Variants in SPTY2D1 observed in about 807,000 individuals in gnomAD.
The protein encoded by SPTY2D1 is protein SPT2 homolog.
SPTY2D1 carries 21 observed loss-of-function variants against 64.0 expected under a neutral mutation model. The observed-to-expected ratio is 0.33, with a 90% confidence interval of 0.23 to 0.47. The LOEUF is 0.47. Among genes scored for constraint, SPTY2D1 ranks in the 20% least tolerant of loss-of-function variants. The pLI is 1.00. For synonymous variants in SPTY2D1, 287 were observed against 286.8 expected, an observed-to-expected ratio of 1.00 and a Z score of -0.01; for missense variants, 724 against 837.2, an observed-to-expected ratio of 0.86 and a Z score of 1.67.
chr11:18,614,917 C>G lies in SPTY2D1; in HGVS notation c.1357G>C (p.Val453Leu), dbSNP rs1438155963. 1 of 1,613,592 alleles carries G rather than the reference C, an allele frequency of 6.2e-7. No individual in the cohort carries two copies. Among genetic ancestry groups the G allele is most frequent in the East Asian group, 2.2e-5 (1 of 44,878 alleles). ...CTGCCCAAGGGTCTTGCAGAACTAACTGAACCACTGATGGGTCGCCCAGGG... is the reference window on the plus strand; with the variant it reads ...CTGCCCAAGGGTCTTGCAGAACTAAGTGAACCACTGATGGGTCGCCCAGGG... ...GGPGRPISGSVSSARPLGSSR... is the reference protein window; with the variant it reads ...GGPGRPISGSLSSARPLGSSR... The change falls in exon 3 of 6, where the codon GTT (valine) becomes CTT (leucine). Residue 453 changes from valine (V) to leucine (L), a missense_variant. Coordinates refer to ENST00000336349, the MANE Select transcript of SPTY2D1 (RefSeq NM_194285.3).
At chr11:18,628,862 C>T (rs1395319498) in intron 1 of SPTY2D1, among the ~76,000 whole-genome samples, 3 of 152,154 alleles carry the variant, frequency 2.0e-5, no homozygotes, top group Non-Finnish European at 2.9e-5. Context: ...CTATGCAAAT[C>T]GTGGGCTTTT....
Position 18,615,177 on chromosome 11 carries a change from G to A in SPTY2D1, c.1097C>T (p.Pro366Leu). The change falls in exon 3 of 6, where the codon CCA (proline) becomes CTA (leucine). Residue 366 changes from proline to leucine, a missense_variant. Physicochemically the swap from Pro to Leu is moderately conservative, Grantham distance 98. Around this residue, in one of 3 missense-constraint regions of SPTY2D1, gnomAD observed 426 missense variants for 431.8 expected, o/e 0.99. Coordinates refer to ENST00000336349, the MANE Select transcript of SPTY2D1 (RefSeq NM_194285.3). ...MVTPHNKAKS[P>L]GVRQPGSSSS... The stretch of plus-strand genomic sequence containing the variant: ...GCTGCTGCCTGGCTGCCTGACACCT[G>A]GACTCTTAGCCTTATTGTGTGGGGT... 6.2e-7 allele frequency: 1 copy of A among 1,614,202 alleles called. No individual in the cohort carries two copies. Among genetic ancestry groups the A allele is most frequent in the Non-Finnish European group, 8.5e-7 (1 of 1,180,036 alleles).
At position 18,615,722 on chromosome 11, in the gene SPTY2D1, C is replaced by T. The variant is rs990636547; in HGVS notation, c.552G>A (p.Val184=). 4 of 1,613,784 alleles carry T rather than the reference C, an allele frequency of 2.5e-6. No individual in the cohort carries two copies. In the African/African-American group the frequency reaches 4.0e-5, roughly 16 times the overall value. ...RLAEKKQFEP[V]EIKVVKKSEE... ...CTGATTTCTTCACTACCTTGATTTCCACTGGTTCAAACTGCTTTTTCTCAG... is the reference window on the plus strand; with the variant it reads ...CTGATTTCTTCACTACCTTGATTTCTACTGGTTCAAACTGCTTTTTCTCAG... The change falls in exon 3 of 6, where the codon GTG becomes GTA. Residue 184 remains valine (V), a synonymous_variant. Coordinates refer to ENST00000336349, the MANE Select transcript of SPTY2D1 (RefSeq NM_194285.3).
chr11:18,619,944 A>G (rs1391054991), intron 1 of SPTY2D1, among the ~76,000 whole-genome samples: 1 of 152,178 alleles, frequency 6.6e-6, no homozygotes, highest in African/African-American at 2.4e-5. Flanking sequence ...ACTATCTAAC[A>G]TGATTTTGGG....
intron 1 of SPTY2D1, among the ~76,000 whole-genome samples, chr11:18,625,110 A>G (rs1590405044): frequency 6.6e-6 from 1 of 152,256 alleles, no homozygotes; most frequent in East Asian, 1.9e-4. Context: ...TAAGAGATTT[A>G]TAACTGGTTA....
rs774646962 is a variant in SPTY2D1, at chr11:18,615,502, G to C, written c.772C>G (p.Leu258Val). ...DRHPSSKGMP[L>V]PHAEKKSRPS... ...CTTGATTTCTTCTCAGCATGAGGAA[G>C]GGGCATTCCTTTGGAAGAAGGATGC... Residue 258 changes from leucine (L) to valine (V), a missense_variant, in exon 3 of 6, where the codon CTT (leucine) becomes GTT (valine). Around this residue, in one of 3 missense-constraint regions of SPTY2D1, gnomAD observed 426 missense variants for 431.8 expected, o/e 0.99. Coordinates refer to ENST00000336349, the MANE Select transcript of SPTY2D1 (RefSeq NM_194285.3). The C allele has an allele frequency of 6.2e-7, 1 of 1,614,076 alleles. No individual in the cohort carries two copies. The highest frequency in any genetic ancestry group is 1.3e-5 in the African/African-American group (1 of 74,920).
intron 1 of SPTY2D1, among the ~76,000 whole-genome samples, chr11:18,622,798 A>T (rs1435097120): frequency 3.3e-5 from 5 of 151,948 alleles, no homozygotes; most frequent in Non-Finnish European, 7.4e-5. Flanking sequence ...TAAAAATACA[A>T]AAAATCAGCT....
At chr11:18,622,103 A>AAAAAAAAAAAAAAT (rs1565161248) in intron 1 of SPTY2D1, among the ~76,000 whole-genome samples, 1 of 147,958 alleles carries the variant, frequency 6.8e-6, no homozygotes, top group African/African-American at 2.5e-5. Context: ...AAAAAAAAAA[A>AAAAAAAAAAAAAAT]ACCAAAACCA....
At chr11:18,617,398 G>A (rs1053191668) in intron 1 of SPTY2D1, among the ~76,000 whole-genome samples, 7 of 150,734 alleles carry the variant, frequency 4.6e-5, no homozygotes, top group East Asian at 3.9e-4. Flanking sequence ...AGGCGGAGGC[G>A]GGCGAATCAT....
intron 1 of SPTY2D1, among the ~76,000 whole-genome samples, chr11:18,626,268 C>T (rs1854496159): frequency 6.6e-6 from 1 of 152,194 alleles, no homozygotes; most frequent in Non-Finnish European, 1.5e-5. Context: ...CCCTCACCTT[C>T]AGACTCTACT....
At chr11:18,625,756 T>TGG (rs61312206) in intron 1 of SPTY2D1, among the ~76,000 whole-genome samples, 1 of 147,022 alleles carries the variant, frequency 6.8e-6, no homozygotes, top group Non-Finnish European at 1.5e-5. Context: ...TTGTAGAGAT[T>TGG]GGGGGGGGGG....
Position 18,611,570 on chromosome 11 carries a change from CA to C in SPTY2D1, c.1887-17del. The C allele has an allele frequency of 1.2e-6, 2 of 1,605,774 alleles. No homozygotes were observed. The highest frequency in any genetic ancestry group is 8.5e-7 in the Non-Finnish European group (1 of 1,175,348). On this transcript the variant is annotated splice_polypyrimidine_tract_variant and intron_variant, in intron 4 of 5. Transcript: ENST00000336349. The stretch of plus-strand genomic sequence containing the variant: ...ATCTTTGTATCTGATAAAAGGAAAT[CA>C]AAATGATAAAAAGAGAAAACTTCAA...
rs1854208999 is a variant in SPTY2D1, at chr11:18,611,699, G to A, written c.1887-145C>T. ...TATTCCTTGCTTGGCAGCGAGTGAG[G>A]GGAGTGGAGGATGGATAGGTTTCTG... On this transcript the variant is annotated intron_variant, in intron 4 of 5. Transcript: ENST00000336349. 7.0e-6 allele frequency: 5 copies of A among 711,980 alleles called. No individual in the cohort carries two copies. In the Admixed American group the frequency reaches 1.4e-4, roughly 19 times the overall value. The allele number at this position is 711,980 out of a possible 1,614,324, so 44.1% of individuals were successfully genotyped here. A position where few individuals can be genotyped will look rare whatever the true frequency, so the allele number is the denominator to read the frequency against.
intron 1 of SPTY2D1, among the ~76,000 whole-genome samples, chr11:18,628,646 T>A (rs1206268789): frequency 1.3e-5 from 2 of 152,244 alleles, no homozygotes; most frequent in Admixed American, 6.5e-5. Context: ...TTGTGGAGTC[T>A]GCGTCTTCCC....
At chr11:18,616,354 C>T (rs1264241835) in intron 2 of SPTY2D1, among the ~76,000 whole-genome samples, 1 of 152,070 alleles carries the variant, frequency 6.6e-6, no homozygotes, top group Non-Finnish European at 1.5e-5. Flanking sequence ...AATACATTAC[C>T]AAGTTAAGAG....
At chr11:18,623,817 T>C (rs576665742) in intron 1 of SPTY2D1, among the ~76,000 whole-genome samples, 1 of 152,370 alleles carries the variant, frequency 6.6e-6, no homozygotes, top group African/African-American at 2.4e-5. Flanking sequence ...CAGTGGCCTT[T>C]TGTATCTGGC....
chr11:18,613,688 C>G (rs1565158410), intron 3 of SPTY2D1, among the ~76,000 whole-genome samples: 1 of 152,160 alleles, frequency 6.6e-6, no homozygotes, highest in Non-Finnish European at 1.5e-5. Flanking sequence ...TTTTTATATT[C>G]TCCGTGGAGC....
At chr11:18,625,511 T>A (rs572762774) in intron 1 of SPTY2D1, among the ~76,000 whole-genome samples, 19 of 152,012 alleles carry the variant, frequency 1.2e-4, no homozygotes, top group Non-Finnish European at 2.6e-4. Context: ...AGAATCCAGA[T>A]CGCCTAACTC....
In SPTY2D1 at chr11:18,612,700, T is replaced by C. The variant is rs1267879918; in HGVS notation, c.1712-212A>G. 6.6e-6 allele frequency among the ~76,000 whole-genome samples: 1 copy of C among 152,122 alleles called. No individual in the cohort carries two copies. The highest frequency in any genetic ancestry group is 1.5e-5 in the Non-Finnish European group (1 of 68,024). On this transcript the variant is annotated intron_variant, in intron 3 of 5. Coordinates refer to ENST00000336349, the MANE Select transcript of SPTY2D1 (RefSeq NM_194285.3). This position sits in a 1 kb window ranked among gnomAD's most constrained non-coding sequence, Gnocchi z 4.6. ...TATCCCAGGGCTTACCAGAAATATC[T>C]TGTTACATTTTCTAGCTTAGTAGTG...
Sources: allele counts gnomAD v4.1 joint callset (sites outside exome capture counted in the v4.1 genomes callset), GRCh38; gene constraint gnomAD v4.1.1; regional missense constraint gnomAD v4.1.1; non-coding constraint Gnocchi (gnomAD v3.1); transcripts MANE v1.5; gene names NCBI Gene and HGNC (gene_info 2026-07-23, HGNC 2026-07-21).